WDR17: variants seen among roughly 807,000 people sequenced by gnomAD.
WDR17 encodes the protein WD repeat-containing protein 17.
WDR17 carries 143 observed loss-of-function variants against 161.7 expected under a neutral mutation model. The observed-to-expected ratio is 0.88, with a 90% CI of 0.77 to 1.02. The LOEUF (loss-of-function observed/expected upper bound fraction) is 1.02, where lower values mean the gene tolerates loss of function less well. Ranked by LOEUF, WDR17 falls within the 50% of genes least tolerant of loss-of-function variation. WDR17 has a pLI of 0.00. For missense variants in WDR17, 1,469 were observed against 1,520.9 expected, an observed-to-expected ratio of 0.97 and a Z score of 0.57; for synonymous variants, 517 against 515.6, an observed-to-expected ratio of 1.00 and a Z score of -0.04.
intron 22 of WDR17, 114 bp downstream of exon 22, chr4:176,163,407 A>G: frequency 8.5e-7 from 1 of 1,169,590 alleles, no homozygotes; most frequent in Non-Finnish European, 1.2e-6. Flanking sequence ...CACCTTGTTT[A>G]TAAAGGATAA....
rs376158756 is a variant in WDR17, at chr4:176,113,630, T to C, written c.123+1927T>C. On this transcript the variant is annotated intron_variant, in intron 2 of 28. Coordinates refer to ENST00000508596, the MANE Select transcript of WDR17 (RefSeq NM_181265.4). ...AAATTTATGTTAATAAGTAGTGTTTTAAATATTATCATCTCAATTACAGTG... is the reference window on the plus strand; with the variant it reads ...AAATTTATGTTAATAAGTAGTGTTTCAAATATTATCATCTCAATTACAGTG... Among the ~76,000 whole-genome samples, 26 of 152,148 alleles carry C rather than the reference T, an allele frequency of 1.7e-4. No individual in the cohort carries two copies. The East Asian group carries it at 2.3e-3, about 14-fold the overall frequency.
At chr4:176,140,265 A>G (rs545699544) in intron 10 of WDR17, among the ~76,000 whole-genome samples, 2 of 152,236 alleles carry the variant, frequency 1.3e-5, no homozygotes, top group East Asian at 3.9e-4. Context: ...AGAAACTTTA[A>G]GGACTTTTCA....
At chr4:176,114,668 AG>A (rs1347477982) in intron 2 of WDR17, among the ~76,000 whole-genome samples, 1 of 151,900 alleles carries the variant, frequency 6.6e-6, no homozygotes, top group Non-Finnish European at 1.5e-5. Flanking sequence ...GTAAACAAAT[AG>A]GTAAAATTTT....
chr4:176,140,370 A>T (rs1379666141), intron 10 of WDR17, among the ~76,000 whole-genome samples: 1 of 152,068 alleles, frequency 6.6e-6, no homozygotes, highest in Non-Finnish European at 1.5e-5. Context: ...ACTTGTTTAT[A>T]GTTGTGTAGA....
chr4:176,170,304 T>A lies in WDR17; in HGVS notation c.3102+1521T>A, dbSNP rs562143147. On this transcript the variant is annotated intron_variant, in intron 23 of 28. Coordinates refer to ENST00000508596, the MANE Select transcript of WDR17 (RefSeq NM_181265.4). The stretch of plus-strand genomic sequence containing the variant: ...CTAACATTGTTGTCAAATCAATTAT[T>A]TTTTCTTTTTTCTTTTTTTTTTTTT... Among the ~76,000 whole-genome samples the A allele has an allele frequency of 2.3e-3, 321 of 141,388 alleles. 3 individuals carry two copies. The highest frequency in any genetic ancestry group is 8.1e-3 in the African/African-American group (308 of 38,260). The allele number at this position is 141,388 out of a possible 152,430, so 92.8% of individuals were successfully genotyped here.
intron 3 of WDR17, among the ~76,000 whole-genome samples, chr4:176,119,385 A>G (rs1195741229): frequency 1.3e-5 from 2 of 152,154 alleles, no homozygotes; most frequent in Admixed American, 6.5e-5. Flanking sequence ...GACATAGATT[A>G]TAACATTAAG....
intron 22 of WDR17, among the ~76,000 whole-genome samples, chr4:176,167,666 A>AAAAAAAAAAAAAAAAAAAACC (rs1561210753): frequency 7.1e-6 from 1 of 139,864 alleles, no homozygotes; most frequent in African/African-American, 2.6e-5. Flanking sequence ...AAAAAAAAAA[A>AAAAAAAAAAAAAAAAAAAACC]AAAAAACAAT....
intron 1 of WDR17, among the ~76,000 whole-genome samples, chr4:176,104,894 A>G (rs1026296517): frequency 2.6e-5 from 4 of 152,072 alleles, no homozygotes; most frequent in Non-Finnish European, 5.9e-5. Flanking sequence ...ATCAGGAATT[A>G]TTGTAAATGT....
chr4:176,111,495 TG>T, intron 1 of WDR17, 79 bp from the exon 2 acceptor site: 4 of 1,490,322 alleles, frequency 2.7e-6, no homozygotes, highest in Non-Finnish European at 3.6e-6. Context: ...AGGTAAGGGT[TG>T]GGGAAGATAG....
intron 1 of WDR17, among the ~76,000 whole-genome samples, chr4:176,104,490 A>G (rs7698066): frequency 0.4 from 60,617 of 151,696 alleles, 12,384 homozygotes; most frequent in African/African-American, 0.44. Context: ...TCCACATTTT[A>G]TTTTCTCTTA....
At chr4:176,079,120 T>C (rs1734431540) in intron 1 of WDR17, among the ~76,000 whole-genome samples, 1 of 152,188 alleles carries the variant, frequency 6.6e-6, no homozygotes, top group African/African-American at 2.4e-5. Flanking sequence ...AGTGAGAACA[T>C]ACAGTATTTA....
chr4:176,072,225 A>G (rs1419175658), intron 1 of WDR17, among the ~76,000 whole-genome samples: 1 of 152,248 alleles, frequency 6.6e-6, no homozygotes, highest in Non-Finnish European at 1.5e-5. Flanking sequence ...TGTGAAAGGT[A>G]AACTAGACAT....
chr4:176,116,831 C>A (rs1030481336), intron 3 of WDR17, among the ~76,000 whole-genome samples: 4 of 151,686 alleles, frequency 2.6e-5, no homozygotes, highest in Admixed American at 6.6e-5. Context: ...TCTTTTGTAA[C>A]TTTTAGACAT....
At chr4:176,162,906 A>G (rs1484203797) in intron 21 of WDR17, among the ~76,000 whole-genome samples, 1 of 152,192 alleles carries the variant, frequency 6.6e-6, no homozygotes, top group Non-Finnish European at 1.5e-5. Flanking sequence ...ACAAAAATAG[A>G]ACCAAGGGTT....
At position 176,100,709 on chromosome 4, in the gene WDR17, A is replaced by C. The variant is rs190810710; in HGVS notation, c.-6-10866A>C. 4.8e-3 allele frequency among the ~76,000 whole-genome samples: 732 copies of C among 151,900 alleles called. 5 individuals are homozygous for C. The highest frequency in any genetic ancestry group is 0.019 in the South Asian group (93 of 4,810). Reference sequence around the variant, plus strand: ...CTAGGTTTTCTTCTAGTATTTTTATAGTTTCTGATCTTGCATTTAAGTGTT... The same window carrying C: ...CTAGGTTTTCTTCTAGTATTTTTATCGTTTCTGATCTTGCATTTAAGTGTT... On this transcript the variant is annotated intron_variant, in intron 1 of 28. Transcript: ENST00000508596.
At chr4:176,159,706 T>G (rs536213073) in intron 18 of WDR17, among the ~76,000 whole-genome samples, 40 of 152,340 alleles carry the variant, frequency 2.6e-4, no homozygotes, top group Middle Eastern at 3.4e-3. Context: ...TTTGAATAAA[T>G]TAATTGCCCA....
intron 1 of WDR17, among the ~76,000 whole-genome samples, chr4:176,069,986 T>C (rs564467267): frequency 6.6e-6 from 1 of 152,216 alleles, no homozygotes; most frequent in East Asian, 1.9e-4. Flanking sequence ...GGTAAACAGG[T>C]TTGAAGGGGT....
chr4:176,174,552 G>A, intron 25 of WDR17, 65 bp from the exon 26 acceptor site: 3 of 1,142,434 alleles, frequency 2.6e-6, no homozygotes, highest in South Asian at 1.5e-5. Flanking sequence ...CATGAACTGT[G>A]TATCAGAGTA....
At chr4:176,080,549 A>T (rs1734610898) in intron 1 of WDR17, among the ~76,000 whole-genome samples, 1 of 152,128 alleles carries the variant, frequency 6.6e-6, no homozygotes, top group African/African-American at 2.4e-5. Context: ...GGTGGATTCA[A>T]CTGTGATCCA....
Sources: allele counts gnomAD v4.1 joint callset (sites outside exome capture counted in the v4.1 genomes callset), GRCh38; gene constraint gnomAD v4.1.1; transcripts MANE v1.5; gene names NCBI Gene and HGNC (gene_info 2026-07-23, HGNC 2026-07-21).